The following PADI6 variants were observed in gnomAD, a reference collection of about 807,000 sequenced individuals.
The protein encoded by PADI6 is peptidyl arginine deiminase 6.
A neutral mutation model predicts 78.2 loss-of-function variants in PADI6; 66 were observed. The ratio of observed to expected loss-of-function variants is 0.84; its 90% CI spans 0.69 to 1.04. The LOEUF (loss-of-function observed/expected upper bound fraction) is 1.04, where lower values mean the gene tolerates loss of function less well. PADI6 is among the 50% of genes least tolerant of loss of function. The pLI, the probability that PADI6 is intolerant of heterozygous loss-of-function variation, is 0.00. For synonymous variants in PADI6, 397 were observed against 346.9 expected (o/e 1.14, Z -1.60); for missense variants, 854 against 866.1 (o/e 0.99, Z 0.18).
chr1:17,382,965 T>C (rs2075087346), intron 6 of PADI6, among the ~76,000 whole-genome samples: 1 of 152,186 alleles, frequency 6.6e-6, no homozygotes. Flanking sequence ...TTTGCTTTTC[T>C]TGTAGAGACG....
rs759361291 is a variant in PADI6 at position 17,388,890 on chromosome 1, C to T, written c.962+10C>T. On this transcript the variant is annotated intron_variant, in intron 8 of 15. Transcript: ENST00000619609. ...AGGTTTACCTGTGCAGGTGAGAGAC[C>T]ATCAGGCTGACTGTGCCAGGCGGTT... 2 of 1,606,654 alleles carry T rather than the reference C, an allele frequency of 1.2e-6. No individual in the cohort carries two copies. Among genetic ancestry groups the T allele is most frequent in the Non-Finnish European group, 1.7e-6 (2 of 1,174,510 alleles).
chr1:17,392,670 G>C (rs1055854595), intron 9 of PADI6, among the ~76,000 whole-genome samples: 4 of 152,214 alleles, frequency 2.6e-5, no homozygotes, highest in Admixed American at 2.6e-4. Flanking sequence ...GAGATAAACT[G>C]GAACATATGC....
chr1:17,388,947 C>A, intron 8 of PADI6, 67 bp downstream of exon 8: 3 of 1,291,240 alleles, frequency 2.3e-6, no homozygotes, highest in Admixed American at 1.9e-5. Flanking sequence ...TTTCTATATG[C>A]AGGGCAGGGT....
In PADI6 at chr1:17,376,864, TTTTTG is replaced by T. The variant is rs769607971; in HGVS notation, c.367+1382_367+1386del. The stretch of plus-strand genomic sequence containing the variant: ...TTTGGTTTGTGTGGGTTCTTTTGTG[TTTTTG>T]TTTTGTTTTGTTTTGTCTTGTTTTT... On this transcript the variant is annotated intron_variant, in intron 3 of 15. Transcript: ENST00000619609. Among the ~76,000 whole-genome samples, 1,011 of 149,236 alleles carry T rather than the reference TTTTTG, an allele frequency of 6.8e-3. 14 individuals are homozygous for T. Among genetic ancestry groups the T allele is most frequent in the African/African-American group, 0.022 (916 of 41,310 alleles).
At chr1:17,385,192 G>A (rs1397362463) in intron 6 of PADI6, among the ~76,000 whole-genome samples, 2 of 131,766 alleles carry the variant, frequency 1.5e-5, no homozygotes, top group African/African-American at 5.4e-5. Context: ...TGAGACGATA[G>A]TGTTTGAGTA....
chr1:17,400,576 A>G (rs1243926370), intron 15 of PADI6, among the ~76,000 whole-genome samples: 1 of 152,216 alleles, frequency 6.6e-6, no homozygotes, highest in East Asian at 1.9e-4. Flanking sequence ...GTTATAGTCA[A>G]GAGTGGGGCT....
chr1:17,400,316 C>T (rs951101705), intron 15 of PADI6, among the ~76,000 whole-genome samples: 1 of 151,874 alleles, frequency 6.6e-6, no homozygotes, highest in Non-Finnish European at 1.5e-5. Flanking sequence ...GACTGCGAGA[C>T]CAGCCTTACA....
chr1:17,395,688 A>AC (rs774900271), intron 13 of PADI6, 25 bp downstream of exon 13: 1 of 1,601,084 alleles, frequency 6.2e-7, no homozygotes, highest in Non-Finnish European at 8.5e-7. Flanking sequence ...TTTCCACAGA[A>AC]CAGAACTGGG....
intron 6 of PADI6, among the ~76,000 whole-genome samples, chr1:17,384,325 G>A (rs2075100851): frequency 1.3e-5 from 2 of 152,096 alleles, no homozygotes; most frequent in Non-Finnish European, 2.9e-5. Flanking sequence ...TGGGTGTGTT[G>A]GCTCACACCT....
chr1:17,379,146 G>A (rs1340453253), intron 3 of PADI6, among the ~76,000 whole-genome samples: 9 of 106,834 alleles, frequency 8.4e-5, no homozygotes, highest in South Asian at 2.5e-4. Flanking sequence ...ACGGAGTCTC[G>A]CTGTCGCCCA....
intron 5 of PADI6, 23 bp downstream of exon 5, chr1:17,381,187 C>T: frequency 1.9e-6 from 3 of 1,551,892 alleles, no homozygotes; most frequent in South Asian, 2.4e-5. Context: ...ACTGTCTCTG[C>T]CTTTCCTTCT....
intron 8 of PADI6, among the ~76,000 whole-genome samples, chr1:17,389,197 T>C (rs187602057): frequency 1.6e-4 from 25 of 152,302 alleles, no homozygotes; most frequent in African/African-American, 3.6e-4. Context: ...CCAGGGACGA[T>C]GAAGCTCCTA....
chr1:17,388,270 G>A, intron 6 of PADI6, 111 bp from the exon 7 acceptor site: 1 of 1,043,762 alleles, frequency 9.6e-7, no homozygotes, highest in South Asian at 1.8e-5. Flanking sequence ...CAGCCCTCCT[G>A]GAACTCACAG....
intron 6 of PADI6, among the ~76,000 whole-genome samples, chr1:17,384,260 T>A (rs1570133131): frequency 6.6e-6 from 1 of 150,440 alleles, no homozygotes; most frequent in African/African-American, 2.4e-5. Flanking sequence ...AGCAAAAGAG[T>A]CTGAAAAGTT....
intron 15 of PADI6, 141 bp downstream of exon 15, chr1:17,398,988 C>T (rs934176030): frequency 3.4e-5 from 33 of 975,680 alleles, no homozygotes; most frequent in Admixed American, 1.6e-4. Context: ...CCCCTTCTCC[C>T]CCATCTCGGT....
chr1:17,372,722 G>A (rs900064364), intron 1 of PADI6, among the ~76,000 whole-genome samples: 1 of 152,174 alleles, frequency 6.6e-6, no homozygotes, highest in African/African-American at 2.4e-5. Flanking sequence ...CAGGGTCACA[G>A]TACAACTTCC....
Position 17,388,419 on chromosome 1 carries a change from G to A in PADI6, c.718G>A (p.Asp240Asn), listed in dbSNP as rs529584194. 18 of 1,613,548 alleles carry A rather than the reference G, an allele frequency of 1.1e-5. No homozygotes were observed. The highest frequency in any genetic ancestry group is 6.6e-5 in the South Asian group (6 of 90,916). Residue 240 changes from aspartate (D) to asparagine (N), a missense_variant, in exon 7 of 16, where the codon GAC becomes AAC. Coordinates refer to ENST00000619609, the MANE Select transcript of PADI6 (RefSeq NM_207421.4). ...TACCTTTGAGTTGGTGCTGGGGCCC[G>A]ACCAGCACGCCTATACCTTGGCCCT... Reference protein sequence around the residue: ...SSTFELVLGPDQHAYTLALLG... With the variant: ...SSTFELVLGPNQHAYTLALLG...
At chr1:17,376,211 G>A (rs755061608) in intron 3 of PADI6, among the ~76,000 whole-genome samples, 2 of 151,804 alleles carry the variant, frequency 1.3e-5, no homozygotes, top group Non-Finnish European at 2.9e-5. Context: ...CTGACCTCGC[G>A]ATCCACCTGC....
intron 14 of PADI6, among the ~76,000 whole-genome samples, chr1:17,397,377 C>T (rs1048400055): frequency 1.3e-5 from 2 of 152,220 alleles, no homozygotes; most frequent in East Asian, 1.9e-4. Context: ...AAACACAGCA[C>T]GATGTACCTT....
Sources: allele counts gnomAD v4.1 joint callset (sites outside exome capture counted in the v4.1 genomes callset), GRCh38; gene constraint gnomAD v4.1.1; transcripts MANE v1.5; gene names NCBI Gene and HGNC (gene_info 2026-07-23, HGNC 2026-07-21).